TAMALIN: variants seen among roughly 807,000 people sequenced by gnomAD.
TAMALIN encodes the protein protein TAMALIN.
In TAMALIN, 9 loss-of-function variants were observed where a neutral mutation model predicts 38.5. The observed-to-expected ratio is 0.23, with a 90% confidence interval of 0.14 to 0.41. The LOEUF (loss-of-function observed/expected upper bound fraction) is 0.41, where lower values mean the gene tolerates loss of function less well. TAMALIN is among the 10% of genes least tolerant of loss of function. The pLI, the probability that TAMALIN is intolerant of heterozygous loss-of-function variation, is 1.00. For missense variants in TAMALIN, 548 were observed against 554.1 expected (o/e 0.99, Z 0.11); for synonymous variants, 306 against 256.5 (o/e 1.19, Z -1.85).
In TAMALIN at chr12:52,007,887, G is replaced by A; in HGVS notation, c.246+622G>A. ...CAGTGGGAGGGGTCGCAGGGCGCCC[G>A]CGGGGCAGGAAGGATGCGGGCCGCG... On this transcript the variant is annotated intron_variant, in intron 1 of 7. Transcript: ENST00000293662. The surrounding 1 kb of genome is among the most constrained non-coding windows in gnomAD (Gnocchi z 6.7). 2.0e-6 allele frequency: 2 copies of A among 985,404 alleles called. No individual in the cohort carries two copies. Among genetic ancestry groups the A allele is most frequent in the African/African-American group, 3.5e-5 (2 of 57,362 alleles). The allele number at this position is 985,404 out of a possible 1,614,324, so 61.0% of individuals were successfully genotyped here.
In TAMALIN at chr12:52,014,924, G is replaced by T; in HGVS notation, c.913G>T (p.Ala305Ser). The change falls in exon 8 of 8, where the codon GCC becomes TCC. Residue 305 changes from alanine (A) to serine (S), a missense_variant. Physicochemically the swap from Ala to Ser is moderately conservative, Grantham distance 99. Coordinates refer to ENST00000293662, the MANE Select transcript of TAMALIN (RefSeq NM_181711.4). ...GGCGCTGCCGCCCCCGCCGCCCCCG[G>T]CCCGCGCCTTCGGCCCGGGCCCCGC... ...PPALPPPPPPARAFGPGPAET... is the reference protein window; with the variant it reads ...PPALPPPPPPSRAFGPGPAET... 1 of 1,057,338 alleles carries T rather than the reference G, an allele frequency of 9.5e-7. No individual in the cohort carries two copies. Among genetic ancestry groups the T allele is most frequent in the Non-Finnish European group, 1.1e-6 (1 of 876,756 alleles). 65.5% of individuals were successfully genotyped at this position (1,057,338 alleles called of 1,614,324 possible). A position where few individuals can be genotyped will look rare whatever the true frequency, so the allele number is the denominator to read the frequency against.
At chr12:52,008,300 T>C in intron 1 of TAMALIN, 1 of 985,310 alleles carries the variant, frequency 1.0e-6, no homozygotes, top group Non-Finnish European at 1.2e-6. Flanking sequence ...AGGGCTGCTC[T>C]GGGACTGGAC....
rs1942420440 is a variant in TAMALIN, at chr12:52,006,958, C to T, written c.-62C>T. 7.7e-6 allele frequency: 10 copies of T among 1,303,490 alleles called. No homozygotes were observed. Among genetic ancestry groups the T allele is most frequent in the Non-Finnish European group, 9.7e-6 (10 of 1,029,022 alleles). The allele number at this position is 1,303,490 out of a possible 1,614,324, so 80.7% of individuals were successfully genotyped here. On this transcript the variant is annotated 5_prime_UTR_variant, in exon 1 of 8. Transcript: ENST00000293662. The stretch of plus-strand genomic sequence containing the variant: ...GGCCCGCCCGGCTGGCATCCCCCAG[C>T]CGCCGCCAGCCCCGCCGAGGGGAGC...
chr12:52,014,905 G>A lies in TAMALIN; in HGVS notation c.894G>A (p.Leu298=). 1.8e-6 allele frequency: 2 copies of A among 1,123,390 alleles called. No individual in the cohort carries two copies. The highest frequency in any genetic ancestry group is 2.5e-5 in the South Asian group (1 of 40,730). The allele number at this position is 1,123,390 out of a possible 1,614,324, so 69.6% of individuals were successfully genotyped here. A position where few individuals can be genotyped will look rare whatever the true frequency, so the allele number is the denominator to read the frequency against. The part of the protein sequence containing the change: ...CFFGDSEPPA[L]PPPPPPARAF... ...TCGGGGACTCCGAGCCGCCGGCGCTGCCGCCCCCGCCGCCCCCGGCCCGCG... is the reference window on the plus strand; with the variant it reads ...TCGGGGACTCCGAGCCGCCGGCGCTACCGCCCCCGCCGCCCCCGGCCCGCG... The change falls in exon 8 of 8, where the codon CTG becomes CTA. Residue 298 remains leucine (L), a synonymous_variant. Coordinates refer to ENST00000293662, the MANE Select transcript of TAMALIN (RefSeq NM_181711.4).
chr12:52,013,323 C>T (rs1436429157), intron 4 of TAMALIN, among the ~76,000 whole-genome samples: 2 of 151,820 alleles, frequency 1.3e-5, no homozygotes, highest in Admixed American at 6.6e-5. Context: ...GTGATCCGCC[C>T]GCCTCGGCCT....
At chr12:52,010,957 G>A (rs976228690) in intron 3 of TAMALIN, 22 bp downstream of exon 3, 16 of 1,614,038 alleles carry the variant, frequency 9.9e-6, no homozygotes, top group Non-Finnish European at 1.4e-5. Flanking sequence ...TGCACACAGG[G>A]GTCAGGGGGG....
At chr12:52,011,000 G>A in intron 3 of TAMALIN, 39 bp from the exon 4 acceptor site, 1 of 1,613,984 alleles carries the variant, frequency 6.2e-7, no homozygotes, top group South Asian at 1.1e-5. Context: ...GAACGGACTT[G>A]TCCCAACCCT....
Position 52,015,031 on chromosome 12 carries a change from C to A in TAMALIN, c.1020C>A (p.Gly340=), listed in dbSNP as rs1937768750. The A allele has an allele frequency of 7.7e-7, 1 of 1,304,014 alleles. No homozygotes were observed. The highest frequency in any genetic ancestry group is 1.7e-5 in the South Asian group (1 of 57,996). 80.8% of individuals were successfully genotyped at this position (1,304,014 alleles called of 1,614,324 possible). ...RSASVRCAGP[G]GGGGGGAPGA... is the part of the protein sequence containing the mutation. ...CCAGTGTGCGGTGCGCGGGCCCTGG[C>A]GGGGGCGGAGGCGGGGGCGCGCCGG... is the stretch of plus-strand genomic sequence containing the variant. The change falls in exon 8 of 8, where the codon GGC becomes GGA. Residue 340 remains glycine, a synonymous_variant. Coordinates refer to ENST00000293662, the MANE Select transcript of TAMALIN (RefSeq NM_181711.4).
intron 4 of TAMALIN, among the ~76,000 whole-genome samples, chr12:52,013,075 C>CT (rs3035021): frequency 0.22 from 27,764 of 124,366 alleles, 3,738 homozygotes; most frequent in Non-Finnish European, 0.27. Context: ...GACAGAACTT[C>CT]TTTTTTTTTT....
Position 52,014,921 on chromosome 12 carries a change from CCGGCCCGCGCCTT to C in TAMALIN, c.918_930del (p.Phe308ProfsTer17). ...GCCGGCGCTGCCGCCCCCGCCGCCC[CCGGCCCGCGCCTT>C]CGGCCCGGGCCCCGCCGAGACCCCT... On this transcript the variant is annotated frameshift_variant, in exon 8 of 8. Coordinates refer to ENST00000293662, the MANE Select transcript of TAMALIN (RefSeq NM_181711.4). LOFTEE classifies it high-confidence loss of function. 1 of 1,060,092 alleles carries C rather than the reference CCGGCCCGCGCCTT, an allele frequency of 9.4e-7. No individual in the cohort carries two copies. The highest frequency in any genetic ancestry group is 1.1e-6 in the Non-Finnish European group (1 of 878,552). 65.7% of individuals were successfully genotyped at this position (1,060,092 alleles called of 1,614,324 possible). A position where few individuals can be genotyped will look rare whatever the true frequency, so the allele number is the denominator to read the frequency against.
rs1937639576 is a variant in TAMALIN, at chr12:52,011,274, T to A, written c.454+133T>A. 2 of 1,502,638 alleles carry A rather than the reference T, an allele frequency of 1.3e-6. No homozygotes were observed. Among genetic ancestry groups the A allele is most frequent in the Admixed American group, 3.9e-5 (2 of 51,370 alleles). 93.1% of individuals were successfully genotyped at this position (1,502,638 alleles called of 1,614,324 possible). ...TCTTTGAGAAGGCCAGAAAGAAGAATGGATAGAATCTGGGCTTTGGATCTA... is the reference window on the plus strand; with the variant it reads ...TCTTTGAGAAGGCCAGAAAGAAGAAAGGATAGAATCTGGGCTTTGGATCTA... On this transcript the variant is annotated intron_variant, in intron 4 of 7. Transcript: ENST00000293662. This position sits in a 1 kb window ranked among gnomAD's most constrained non-coding sequence, Gnocchi z 5.3.
chr12:52,007,031 C>T lies in TAMALIN; in HGVS notation c.12C>T (p.Arg4=). The change falls in exon 1 of 8, where the codon CGC becomes CGT. Residue 4 remains arginine, a synonymous_variant. Transcript: ENST00000293662. The surrounding 1 kb of genome is among the most constrained non-coding windows in gnomAD (Gnocchi z 6.7). MTL[R]RLRKLQQKEE... Reference sequence around the variant, plus strand: ...CCGGCGCCGGAGCCATGACCCTCCGCCGACTCAGGAAGCTGCAGCAGAAGG... The same window carrying T: ...CCGGCGCCGGAGCCATGACCCTCCGTCGACTCAGGAAGCTGCAGCAGAAGG... The T allele has an allele frequency of 1.5e-5, 22 of 1,437,624 alleles. No individual in the cohort carries two copies. Among genetic ancestry groups the T allele is most frequent in the Non-Finnish European group, 1.9e-5 (21 of 1,103,008 alleles). 89.1% of individuals were successfully genotyped at this position (1,437,624 alleles called of 1,614,324 possible).
Position 52,014,737 on chromosome 12 carries a change from G to C in TAMALIN, c.726G>C (p.Ser242=). ...CCAGCATCTACGACACGCTGGAGTC[G>C]GTGCGCTCCTGCCTCTACGGCGCGG... ...KDPSIYDTLE[S]VRSCLYGAGL... is the part of the protein sequence containing the mutation. Residue 242 remains serine, a synonymous_variant, in exon 8 of 8, where the codon TCG becomes TCC. Transcript: ENST00000293662. 1 of 1,520,512 alleles carries C rather than the reference G, an allele frequency of 6.6e-7. No homozygotes were observed. Among genetic ancestry groups the C allele is most frequent in the Non-Finnish European group, 8.7e-7 (1 of 1,147,178 alleles). 94.2% of individuals were successfully genotyped at this position (1,520,512 alleles called of 1,614,324 possible). A position where few individuals can be genotyped will look rare whatever the true frequency, so the allele number is the denominator to read the frequency against.
intron 1 of TAMALIN, chr12:52,008,203 TTC>T (rs1942446286): frequency 1.0e-6 from 1 of 985,308 alleles, no homozygotes; most frequent in Non-Finnish European, 1.2e-6. Context: ...GTTCTGAACC[TTC>T]TCTTCCTTGC....
Position 52,013,878 on chromosome 12 carries a change from C to T in TAMALIN, c.550C>T (p.Leu184=). 1 of 1,614,138 alleles carries T rather than the reference C, an allele frequency of 6.2e-7. No homozygotes were observed. ...CAGGCTTTGATTCTCCAACCTCAGACTGGAAACTCTATATGGGACATCAAT... is the reference window on the plus strand; with the variant it reads ...CAGGCTTTGATTCTCCAACCTCAGATTGGAAACTCTATATGGGACATCAAT... ...IIKASGNVLR[L]ETLYGTSIRK... is the part of the protein sequence containing the mutation. The change falls in exon 6 of 8, where the codon CTG becomes TTG. Residue 184 remains leucine (L), a splice_region_variant and synonymous_variant. Transcript: ENST00000293662.
chr12:52,007,026 C>G lies in TAMALIN; in HGVS notation c.7C>G (p.Leu3Val), dbSNP rs1942422363. 1.4e-6 allele frequency: 2 copies of G among 1,433,438 alleles called. No individual in the cohort carries two copies. The highest frequency in any genetic ancestry group is 1.8e-6 in the Non-Finnish European group (2 of 1,100,868). The allele number at this position is 1,433,438 out of a possible 1,614,324, so 88.8% of individuals were successfully genotyped here. A position where few individuals can be genotyped will look rare whatever the true frequency, so the allele number is the denominator to read the frequency against. Reference protein sequence around the residue: MTLRRLRKLQQKE... With the variant: MTVRRLRKLQQKE... ...GGCGTCCGGCGCCGGAGCCATGACC[C>G]TCCGCCGACTCAGGAAGCTGCAGCA... Residue 3 changes from leucine to valine, a missense_variant, in exon 1 of 8, where the codon CTC becomes GTC. Transcript: ENST00000293662. This position sits in a 1 kb window ranked among gnomAD's most constrained non-coding sequence, Gnocchi z 6.7.
intron 4 of TAMALIN, 103 bp from the exon 5 acceptor site, chr12:52,013,584 C>A: frequency 2.2e-6 from 2 of 892,224 alleles, no homozygotes; most frequent in East Asian, 2.5e-5. Flanking sequence ...AGGAGTATTC[C>A]CTGGAGTTAC....
At chr12:52,008,040 C>T (rs758579131) in intron 1 of TAMALIN, 77 of 985,342 alleles carry the variant, frequency 7.8e-5, no homozygotes, top group Non-Finnish European at 8.8e-5. Context: ...CCCTCCTTCG[C>T]CCCGGCCCCC....
chr12:52,011,215 A>G lies in TAMALIN; in HGVS notation c.454+74A>G, dbSNP rs141897647. 2,438 of 1,598,164 alleles carry G rather than the reference A, an allele frequency of 1.5e-3. 24 individuals carry two copies. Among genetic ancestry groups the G allele is most frequent in the Middle Eastern group, 0.012 (75 of 6,056 alleles). On this transcript the variant is annotated intron_variant, in intron 4 of 7. Transcript: ENST00000293662. This position sits in a 1 kb window ranked among gnomAD's most constrained non-coding sequence, Gnocchi z 5.3. ...TACTCCCAAGCAAAGGGGGTGAGCA[A>G]TCTCTCCTGAAATCAATTCCTCTTC...
Sources: gnomAD v4.1 joint callset for allele counts (sites outside exome capture counted in the v4.1 genomes callset) on GRCh38, gnomAD v4.1.1 for gene constraint, Gnocchi (gnomAD v3.1) non-coding constraint, MANE v1.5 for transcripts, NCBI Gene and HGNC (gene_info 2026-07-23, HGNC 2026-07-21) for gene names.